Variants in KCNH7 observed in about 807,000 individuals in gnomAD.
The protein encoded by KCNH7 is potassium voltage-gated channel subfamily H member 7, also known as voltage-gated inwardly rectifying potassium channel KCNH7.
A neutral mutation model predicts 120.8 loss-of-function variants in KCNH7; 49 were observed. The ratio of observed to expected loss-of-function variants is 0.41; its 90% CI spans 0.32 to 0.51. The LOEUF (loss-of-function observed/expected upper bound fraction) is 0.51, where lower values mean the gene tolerates loss of function less well. Ranked by LOEUF, KCNH7 falls within the 20% of genes least tolerant of loss-of-function variation. The pLI, the probability that KCNH7 is intolerant of heterozygous loss-of-function variation, is 0.38. For synonymous variants in KCNH7, 547 were observed against 516.1 expected (o/e 1.06, Z -0.81); for missense variants, 1,097 against 1,446.6 (o/e 0.76, Z 3.92).
intron 13 of KCNH7, 78 bp from the exon 14 acceptor site, chr2:162,380,099 A>G: frequency 1.3e-6 from 2 of 1,515,640 alleles, no homozygotes; most frequent in Non-Finnish European, 1.8e-6. Context: ...TCCACAAGAC[A>G]AGCTGGAAAG....
chr2:162,748,820 T>TCCCTC (rs150679802), intron 2 of KCNH7, among the ~76,000 whole-genome samples: 6,546 of 94,656 alleles, frequency 0.069, 1,373 homozygotes, highest in African/African-American at 0.33. Flanking sequence ...TTAATCCTTC[T>TCCCTC]CCCTCCCCTC....
chr2:162,508,949 G>A (rs1574044167), intron 5 of KCNH7, among the ~76,000 whole-genome samples: 1 of 151,544 alleles, frequency 6.6e-6, no homozygotes, highest in African/African-American at 2.4e-5. Context: ...AAGCATAGAG[G>A]TGGACTTGAT....
At chr2:162,667,435 C>T (rs1210333725) in intron 2 of KCNH7, among the ~76,000 whole-genome samples, 1 of 151,934 alleles carries the variant, frequency 6.6e-6, no homozygotes, top group Admixed American at 6.6e-5. Flanking sequence ...TTAAAATATC[C>T]AAATCCCTCA....
At chr2:162,710,475 A>G (rs1159428144) in intron 2 of KCNH7, among the ~76,000 whole-genome samples, 3 of 152,206 alleles carry the variant, frequency 2.0e-5, no homozygotes, top group Non-Finnish European at 4.4e-5. Flanking sequence ...GAATTGCACA[A>G]TGAGTCATCA....
At chr2:162,429,383 CTTTTTT>C (rs60854157) in intron 8 of KCNH7, among the ~76,000 whole-genome samples, 16 of 86,244 alleles carry the variant, frequency 1.9e-4, no homozygotes, top group Non-Finnish European at 2.4e-4. Flanking sequence ...AGGAAAAAGT[CTTTTTT>C]TTTTTTTTTT....
chr2:162,580,510 T>C (rs1693832276), intron 2 of KCNH7, among the ~76,000 whole-genome samples: 1 of 152,100 alleles, frequency 6.6e-6, no homozygotes, highest in South Asian at 2.1e-4. Flanking sequence ...AATTTTGTAA[T>C]ACTTAGTCCA....
intron 6 of KCNH7, among the ~76,000 whole-genome samples, chr2:162,496,220 G>T (rs1690493375): frequency 6.6e-6 from 1 of 152,082 alleles, no homozygotes; most frequent in African/African-American, 2.4e-5. Flanking sequence ...GCCGTTGGGG[G>T]TCTCCACTCC....
intron 2 of KCNH7, among the ~76,000 whole-genome samples, chr2:162,685,993 A>G (rs188093666): frequency 1.9e-4 from 29 of 152,206 alleles, no homozygotes; most frequent in Middle Eastern, 3.4e-3. Context: ...CTCTAATATT[A>G]CTGTCCGGAC....
intron 2 of KCNH7, among the ~76,000 whole-genome samples, chr2:162,776,616 C>G (rs564187316): frequency 1.3e-5 from 2 of 152,202 alleles, no homozygotes; most frequent in South Asian, 4.1e-4. Context: ...GAGGAAAGAG[C>G]TTCAGATCAT....
intron 2 of KCNH7, among the ~76,000 whole-genome samples, chr2:162,564,971 A>T (rs1693202419): frequency 1.3e-5 from 2 of 152,108 alleles, no homozygotes; most frequent in Non-Finnish European, 2.9e-5. Flanking sequence ...TTTAAAGGCT[A>T]ATTCAGCTCA....
intron 6 of KCNH7, among the ~76,000 whole-genome samples, chr2:162,486,235 C>A (rs977712537): frequency 6.6e-6 from 1 of 152,124 alleles, no homozygotes; most frequent in East Asian, 1.9e-4. Context: ...CTACCAACAA[C>A]CTCAGCTCAT....
intron 2 of KCNH7, among the ~76,000 whole-genome samples, chr2:162,678,021 A>G (rs1685584424): frequency 6.6e-6 from 1 of 151,542 alleles, no homozygotes; most frequent in South Asian, 2.1e-4. Context: ...CTGTAATTAA[A>G]AGGATCTTTG....
chr2:162,761,669 G>C (rs1487398398), intron 2 of KCNH7, among the ~76,000 whole-genome samples: 2 of 152,070 alleles, frequency 1.3e-5, no homozygotes, highest in Non-Finnish European at 2.9e-5. Context: ...CTAAGTCATA[G>C]TGCTCTTATC....
At chr2:162,833,735 A>G (rs1237799957) in intron 2 of KCNH7, among the ~76,000 whole-genome samples, 1 of 152,174 alleles carries the variant, frequency 6.6e-6, no homozygotes, top group Admixed American at 6.5e-5. Context: ...CATGAACTGC[A>G]TCAATGTGAA....
At chr2:162,647,677 T>C (rs190163649) in intron 2 of KCNH7, among the ~76,000 whole-genome samples, 46 of 152,264 alleles carry the variant, frequency 3.0e-4, no homozygotes, top group Non-Finnish European at 6.3e-4. Flanking sequence ...AAGACGTGAC[T>C]TTGCTCCTCA....
chr2:162,613,122 C>T (rs1241028713), intron 2 of KCNH7, among the ~76,000 whole-genome samples: 1 of 151,850 alleles, frequency 6.6e-6, no homozygotes, highest in South Asian at 2.1e-4. Flanking sequence ...TTGAGGGAGG[C>T]TAATACATTT....
intron 2 of KCNH7, among the ~76,000 whole-genome samples, chr2:162,620,290 T>C (rs1683306979): frequency 1.3e-5 from 2 of 151,610 alleles, no homozygotes; most frequent in Admixed American, 6.6e-5. Flanking sequence ...TAAAATTCTA[T>C]AGTTAAGGTG....
intron 2 of KCNH7, among the ~76,000 whole-genome samples, chr2:162,598,337 A>T (rs1694445448): frequency 6.6e-6 from 1 of 152,112 alleles, no homozygotes; most frequent in Non-Finnish European, 1.5e-5. Context: ...GGAAAGTAAG[A>T]ACACAAGTGA....
chr2:162,670,952 C>T (rs1298227857), intron 2 of KCNH7, among the ~76,000 whole-genome samples: 2 of 147,090 alleles, frequency 1.4e-5, no homozygotes, highest in Non-Finnish European at 3.0e-5. Context: ...TATAAGTGGC[C>T]AAGAAACATA....
Sources: gnomAD v4.1 joint callset for allele counts (sites outside exome capture counted in the v4.1 genomes callset) on GRCh38, gnomAD v4.1.1 for gene constraint, MANE v1.5 for transcripts, NCBI Gene and HGNC (gene_info 2026-07-23, HGNC 2026-07-21) for gene names.